Variants in NOD2 observed in about 807,000 individuals in gnomAD.
NOD2 encodes the protein nucleotide-binding oligomerization domain-containing protein 2.
A neutral mutation model predicts 90.9 loss-of-function variants in NOD2; 86 were observed. The observed-to-expected ratio is 0.95, with a 90% CI of 0.79 to 1.13. NOD2 has a LOEUF of 1.13. Among genes scored for constraint, NOD2 ranks in the 50% most tolerant of loss-of-function variants. The pLI is 0.00. For missense variants in NOD2, 1,238 were observed against 1,283.8 expected, an observed-to-expected ratio of 0.96 and a Z score of 0.55; for synonymous variants, 581 against 554.6, an observed-to-expected ratio of 1.05 and a Z score of -0.67.
intron 1 of NOD2, 35 bp from the exon 2 acceptor site, chr16:50,699,453 G>T (rs1038535935): frequency 4.6e-5 from 74 of 1,594,268 alleles, no homozygotes; most frequent in Non-Finnish European, 6.2e-5. Context: ...CTGGCTTCTG[G>T]AGAAGTCCCG....
chr16:50,722,510 T>C (rs913605516), intron 7 of NOD2, 112 bp from the exon 8 acceptor site: 1 of 1,024,226 alleles, frequency 9.8e-7, no homozygotes, highest in Admixed American at 1.7e-5. Flanking sequence ...TGGGATTGAG[T>C]GGTCCTGCCC....
rs1314897129 is a variant in NOD2, at chr16:50,719,929, G to A, written c.2554G>A (p.Gly852Arg). 1.2e-6 allele frequency: 2 copies of A among 1,614,132 alleles called. No homozygotes were observed. Among genetic ancestry groups the A allele is most frequent in the Non-Finnish European group, 1.7e-6 (2 of 1,179,984 alleles). ...CTCCTCTGTCTTCCCTTCCAGGCTG[G>A]GGAATAACTACATCACTGCCGCGGG... ...CRQNFLALRL[G>R]NNYITAAGAQ... Residue 852 changes from glycine (G) to arginine (R), a missense_variant, in exon 7 of 12, where the codon GGG (glycine) becomes AGG (arginine). This residue lies in a region of NOD2 where 667 missense variants were observed against 688.7 expected (regional missense o/e 0.97). Coordinates refer to ENST00000647318, the MANE Select transcript of NOD2 (RefSeq NM_001370466.1).
rs104895479 is a variant in NOD2, at chr16:50,711,670, C to T, written c.1678C>T (p.Arg560Cys). Reference sequence around the variant, plus strand: ...TGACATTTCTCTTGGCTTCCTGGTGCGTGCCAAAGGTGTCGTGCCAGGGAG... The same window carrying T: ...TGACATTTCTCTTGGCTTCCTGGTGTGTGCCAAAGGTGTCGTGCCAGGGAG... ...PDDISLGFLV[R>C]AKGVVPGSTA... The change falls in exon 4 of 12, where the codon CGT (arginine) becomes TGT (cysteine). Residue 560 changes from arginine (R) to cysteine (C), a missense_variant. By Grantham distance (180) the Arg-to-Cys change is radical. Around this residue, in one of 3 missense-constraint regions of NOD2, gnomAD observed 667 missense variants for 688.7 expected, o/e 0.97. Transcript: ENST00000647318. 1.6e-5 allele frequency: 26 copies of T among 1,613,378 alleles called. No individual in the cohort carries two copies. The highest frequency in any genetic ancestry group is 2.2e-5 in the East Asian group (1 of 44,868).
chr16:50,701,779 C>T (rs1963950682), intron 2 of NOD2, among the ~76,000 whole-genome samples: 1 of 151,876 alleles, frequency 6.6e-6, no homozygotes, highest in Admixed American at 6.6e-5. Context: ...ACTCATGGGT[C>T]AAAGAAGAAA....
chr16:50,716,143 C>A (rs913514843), intron 4 of NOD2, among the ~76,000 whole-genome samples: 3 of 152,198 alleles, frequency 2.0e-5, no homozygotes, highest in Non-Finnish European at 4.4e-5. Flanking sequence ...CCACTCTCAT[C>A]CAGCTGGTCT....
intron 1 of NOD2, among the ~76,000 whole-genome samples, chr16:50,694,306 T>C (rs1354782695): frequency 6.6e-6 from 1 of 152,192 alleles, no homozygotes; most frequent in Non-Finnish European, 1.5e-5. Flanking sequence ...CCCCATGGGC[T>C]GTGACCTAGC....
Position 50,732,741 on chromosome 16 carries a change from T to G in NOD2, c.*922T>G, listed in dbSNP as rs980483486. 2.0e-5 allele frequency: 3 copies of G among 152,370 alleles called. No homozygotes were observed. The highest frequency in any genetic ancestry group is 2.9e-5 in the Non-Finnish European group (2 of 68,040). 9.4% of individuals were successfully genotyped at this position (152,370 alleles called of 1,614,324 possible). ...TGTGAACTGAACTCTGACAACAGAC[T>G]TCTGAAATAGACCCACAAGAGGCAG... On this transcript the variant is annotated 3_prime_UTR_variant, in exon 12 of 12. Transcript: ENST00000647318.
chr16:50,712,488 C>A, intron 4 of NOD2, 115 bp downstream of exon 4: 2 of 1,265,346 alleles, frequency 1.6e-6, no homozygotes, highest in Non-Finnish European at 2.3e-6. Context: ...TGCCACCCTG[C>A]TTTGCAACAC....
chr16:50,710,998 A>G lies in NOD2; in HGVS notation c.1006A>G (p.Ile336Val). 6.2e-7 allele frequency: 1 copy of G among 1,614,220 alleles called. No individual in the cohort carries two copies. The highest frequency in any genetic ancestry group is 8.5e-7 in the Non-Finnish European group (1 of 1,180,044). ...TTGGCCTGATGTTGGTCAAGAAGAC[A>G]TCTTCCAGTTACTCCTTGACCACCC... is the stretch of plus-strand genomic sequence containing the variant. ...CCWPDVGQEDIFQLLLDHPDR... is the reference protein window; with the variant it reads ...CCWPDVGQEDVFQLLLDHPDR... The change falls in exon 4 of 12, where the codon ATC (isoleucine) becomes GTC (valine). Residue 336 changes from isoleucine (I) to valine (V), a missense_variant. Ile to Val is a conservative substitution (Grantham distance 29). Coordinates refer to ENST00000647318, the MANE Select transcript of NOD2 (RefSeq NM_001370466.1).
intron 2 of NOD2, among the ~76,000 whole-genome samples, chr16:50,706,320 G>A (rs1168650107): frequency 2.0e-5 from 3 of 152,180 alleles, no homozygotes; most frequent in Non-Finnish European, 4.4e-5. Flanking sequence ...TATTGGACTT[G>A]GACTCTTACT....
At chr16:50,716,514 T>G in intron 4 of NOD2, 73 bp from the exon 5 acceptor site, 1 of 1,372,290 alleles carries the variant, frequency 7.3e-7, no homozygotes, top group Non-Finnish European at 1.0e-6. Flanking sequence ...ATGAAAGTCT[T>G]TTTGGGGGAT....
rs1404647585 is a variant in NOD2 at position 50,711,712 on chromosome 16, T to C, written c.1720T>C (p.Phe574Leu). 2 of 1,614,122 alleles carry C rather than the reference T, an allele frequency of 1.2e-6. No individual in the cohort carries two copies. The change falls in exon 4 of 12, where the codon TTC (phenylalanine) becomes CTC (leucine). Residue 574 changes from phenylalanine (F) to leucine (L), a missense_variant. By Grantham distance (22) the Phe-to-Leu change is conservative. Around this residue, in one of 3 missense-constraint regions of NOD2, gnomAD observed 667 missense variants for 688.7 expected, o/e 0.97. Coordinates refer to ENST00000647318, the MANE Select transcript of NOD2 (RefSeq NM_001370466.1). ...VVPGSTAPLE[F>L]LHITFQCFFA... ...GCCAGGGAGTACGGCGCCCCTGGAATTCCTTCACATCACTTTCCAGTGCTT... is the reference window on the plus strand; with the variant it reads ...GCCAGGGAGTACGGCGCCCCTGGAACTCCTTCACATCACTTTCCAGTGCTT...
At position 50,707,977 on chromosome 16, in the gene NOD2, A is replaced by G; in HGVS notation, c.565+17A>G. ...CTTTGGAAGGTAGGTGTATGTTCTC[A>G]GTTAATCAGAAAGGGAAGGGCAGTC... On this transcript the variant is annotated intron_variant, in intron 3 of 11. Coordinates refer to ENST00000647318, the MANE Select transcript of NOD2 (RefSeq NM_001370466.1). The G allele has an allele frequency of 6.4e-7, 1 of 1,554,414 alleles. No individual in the cohort carries two copies. The highest frequency in any genetic ancestry group is 8.9e-7 in the Non-Finnish European group (1 of 1,125,528).
In NOD2 at chr16:50,711,961, C is replaced by T. The variant is rs5743276; in HGVS notation, c.1969C>T (p.Arg657Trp). The change falls in exon 4 of 12, where the codon CGG becomes TGG. Residue 657 changes from arginine (R) to tryptophan (W), a missense_variant. Coordinates refer to ENST00000647318, the MANE Select transcript of NOD2 (RefSeq NM_001370466.1). Reference sequence around the variant, plus strand: ...AGCCTTCCTGGCAGGGCTGTTGTCCCGGGAGCACTGGGGCCTGCTGGCTGA... The same window carrying T: ...AGCCTTCCTGGCAGGGCTGTTGTCCTGGGAGCACTGGGGCCTGCTGGCTGA... ...TAAFLAGLLS[R>W]EHWGLLAECQ... is the part of the protein sequence containing the mutation. The T allele has an allele frequency of 3.6e-4, 574 of 1,613,178 alleles. 2 individuals are homozygous for T. The highest frequency in any genetic ancestry group is 1.5e-3 in the Middle Eastern group (9 of 6,052).
intron 6 of NOD2, 59 bp from the exon 7 acceptor site, chr16:50,719,866 C>T (rs752664495): frequency 5.5e-5 from 81 of 1,473,800 alleles, no homozygotes; most frequent in Admixed American, 4.0e-4. Context: ...AGGGCACAGA[C>T]GGCCCTCCTT....
chr16:50,700,014 A>T, intron 2 of NOD2, 60 bp downstream of exon 2: 2 of 1,484,702 alleles, frequency 1.3e-6, no homozygotes. Context: ...AGTCACCAAG[A>T]CTGATTTGTC....
At chr16:50,708,437 C>T (rs1241332204) in intron 3 of NOD2, among the ~76,000 whole-genome samples, 1 of 152,168 alleles carries the variant, frequency 6.6e-6, no homozygotes, top group African/African-American at 2.4e-5. Context: ...TTGGACCGCA[C>T]CACTTGAACA....
At chr16:50,719,080 C>G (rs911508292) in intron 6 of NOD2, among the ~76,000 whole-genome samples, 1 of 152,062 alleles carries the variant, frequency 6.6e-6, no homozygotes, top group Admixed American at 6.5e-5. Context: ...GGCAGGGGAG[C>G]CTGATGTCTC....
intron 10 of NOD2, among the ~76,000 whole-genome samples, chr16:50,728,626 T>C (rs1965347906): frequency 6.6e-6 from 1 of 152,196 alleles, no homozygotes; most frequent in African/African-American, 2.4e-5. Context: ...ACCAATCTAA[T>C]AGAAGTTCAA....
Sources: allele counts gnomAD v4.1 joint callset (sites outside exome capture counted in the v4.1 genomes callset), GRCh38; gene constraint gnomAD v4.1.1; regional missense constraint gnomAD v4.1.1; transcripts MANE v1.5; gene names NCBI Gene and HGNC (gene_info 2026-07-23, HGNC 2026-07-21).